The following CDH2 variants were observed in gnomAD, a reference collection of about 807,000 sequenced individuals.
The protein encoded by CDH2 is cadherin-2.
In CDH2, 17 loss-of-function variants were observed where a neutral mutation model predicts 92.0. The observed-to-expected ratio is 0.18, with a 90% CI of 0.13 to 0.28. CDH2 has a LOEUF of 0.28. Among genes scored for constraint, CDH2 ranks in the 10% least tolerant of loss-of-function variants. CDH2 has a pLI of 1.00. For synonymous variants in CDH2, 419 were observed against 415.9 expected, an observed-to-expected ratio of 1.01 and a Z score of -0.09; for missense variants, 862 against 1,133.1, an observed-to-expected ratio of 0.76 and a Z score of 3.44.
chr18:28,074,127 T>A (rs1362305202), intron 2 of CDH2, among the ~76,000 whole-genome samples: 6 of 152,202 alleles, frequency 3.9e-5, no homozygotes, highest in Non-Finnish European at 8.8e-5. Context: ...TGACAACTTG[T>A]ATTTACATGA....
chr18:28,176,939 C>G, intron 1 of CDH2, 24 bp downstream of exon 1: 2 of 1,268,244 alleles, frequency 1.6e-6, no homozygotes, highest in Non-Finnish European at 2.0e-6. Context: ...GCCCGTGGCC[C>G]GGCCCGCGGG....
At chr18:28,065,199 T>C (rs1264900192) in intron 2 of CDH2, among the ~76,000 whole-genome samples, 1 of 152,134 alleles carries the variant, frequency 6.6e-6, no homozygotes, top group African/African-American at 2.4e-5. Context: ...AGAAACTCAT[T>C]CACCAAGGGT....
At chr18:28,128,533 TAACA>T (rs2015714202) in intron 2 of CDH2, among the ~76,000 whole-genome samples, 1 of 151,386 alleles carries the variant, frequency 6.6e-6, no homozygotes, top group African/African-American at 2.4e-5. Flanking sequence ...AAAAAACAAA[TAACA>T]AACAAACAAT....
intron 2 of CDH2, among the ~76,000 whole-genome samples, chr18:28,047,350 T>C (rs1026929467): frequency 5.3e-5 from 8 of 152,172 alleles, no homozygotes; most frequent in African/African-American, 1.4e-4. Context: ...TCTGAAGATA[T>C]CTTAAGGACA....
chr18:28,108,588 T>A (rs2015360040), intron 2 of CDH2, among the ~76,000 whole-genome samples: 2 of 152,188 alleles, frequency 1.3e-5, no homozygotes, highest in South Asian at 4.1e-4. Context: ...AGGAATTTCA[T>A]AAAATCAAGT....
chr18:28,141,315 AAGTC>A (rs2015949732), intron 2 of CDH2, among the ~76,000 whole-genome samples: 1 of 151,996 alleles, frequency 6.6e-6, no homozygotes, highest in Non-Finnish European at 1.5e-5. Flanking sequence ...TAAATGAAAG[AAGTC>A]AGTCGCAAAA....
At chr18:28,103,180 T>C (rs2586575) in intron 2 of CDH2, among the ~76,000 whole-genome samples, 26,626 of 107,386 alleles carry the variant, frequency 0.25, 3,826 homozygotes, top group Non-Finnish European at 0.33. Context: ...ATATAAAGTA[T>C]ATATATAAAA....
chr18:27,994,471 C>G (rs1291401410), intron 7 of CDH2, among the ~76,000 whole-genome samples: 1 of 152,140 alleles, frequency 6.6e-6, no homozygotes, highest in Non-Finnish European at 1.5e-5. Flanking sequence ...AGAGAAAATG[C>G]TGAGATTGAG....
chr18:28,043,875 TTCTC>T (rs1309763938), intron 2 of CDH2, among the ~76,000 whole-genome samples: 1 of 148,534 alleles, frequency 6.7e-6, no homozygotes, highest in Non-Finnish European at 1.5e-5. Flanking sequence ...AGTCTCATCT[TTCTC>T]AGAATCTCGG....
intron 2 of CDH2, among the ~76,000 whole-genome samples, chr18:28,100,190 T>C (rs1249936185): frequency 6.6e-6 from 1 of 152,082 alleles, no homozygotes; most frequent in African/African-American, 2.4e-5. Context: ...TGTTTTGGGA[T>C]GAAATTAACA....
At chr18:28,018,896 C>CAT (rs935064016) in intron 2 of CDH2, among the ~76,000 whole-genome samples, 2 of 145,656 alleles carry the variant, frequency 1.4e-5, no homozygotes, top group Non-Finnish European at 3.0e-5. Context: ...TATATATGTA[C>CAT]ATATATATGT....
intron 2 of CDH2, among the ~76,000 whole-genome samples, chr18:28,047,284 G>A (rs958982885): frequency 1.3e-5 from 2 of 152,108 alleles, no homozygotes; most frequent in African/African-American, 4.8e-5. Flanking sequence ...CATAGTCTTG[G>A]CCCTCAATAT....
At chr18:27,966,396 A>C (rs1205570524) in intron 14 of CDH2, among the ~76,000 whole-genome samples, 5 of 152,228 alleles carry the variant, frequency 3.3e-5, no homozygotes, top group African/African-American at 1.2e-4. Flanking sequence ...CGTTCATATA[A>C]CTGGAGATAA....
At position 27,951,710 on chromosome 18, in the gene CDH2, G is replaced by A. The variant is rs756222364; in HGVS notation, c.*443C>T. On this transcript the variant is annotated 3_prime_UTR_variant, in exon 16 of 16. Transcript: ENST00000269141. ...TCTCATCCCCCAAGATAATAAAATC[G>A]CTCCATGAGTTTTTTTGTTTGTTTA... is the stretch of plus-strand genomic sequence containing the variant. 3 of 154,410 alleles carry A rather than the reference G, an allele frequency of 1.9e-5. No homozygotes were observed. The highest frequency in any genetic ancestry group is 4.3e-5 in the Non-Finnish European group (3 of 69,676). The allele number at this position is 154,410 out of a possible 1,614,324, so 9.6% of individuals were successfully genotyped here. A position where few individuals can be genotyped will look rare whatever the true frequency, so the allele number is the denominator to read the frequency against.
intron 6 of CDH2, 133 bp downstream of exon 6, chr18:28,005,716 C>A: frequency 1.6e-6 from 1 of 610,544 alleles, no homozygotes; most frequent in Admixed American, 3.0e-5. Context: ...TTCCTTCTTT[C>A]CCAAAAGCAT....
chr18:27,961,327 C>T (rs1231106135), intron 15 of CDH2, among the ~76,000 whole-genome samples: 1 of 151,568 alleles, frequency 6.6e-6, no homozygotes, highest in Admixed American at 6.6e-5. Context: ...CTGGAGATAA[C>T]TCACATACTG....
intron 10 of CDH2, among the ~76,000 whole-genome samples, chr18:27,989,777 A>G (rs2012350528): frequency 6.6e-6 from 1 of 152,146 alleles, no homozygotes; most frequent in Non-Finnish European, 1.5e-5. Flanking sequence ...TTCCCTGCGG[A>G]ACCTTTTTGT....
At chr18:27,994,589 T>A (rs565497398) in intron 7 of CDH2, among the ~76,000 whole-genome samples, 1 of 152,318 alleles carries the variant, frequency 6.6e-6, no homozygotes, top group African/African-American at 2.4e-5. Context: ...TCAAAAACAG[T>A]GATCATTTTC....
chr18:28,057,148 T>C (rs1000380143), intron 2 of CDH2, among the ~76,000 whole-genome samples: 1 of 152,162 alleles, frequency 6.6e-6, no homozygotes, highest in Admixed American at 6.5e-5. Flanking sequence ...AGGAGGTTCA[T>C]GGAAAGAACT....
Sources: gnomAD v4.1 joint callset for allele counts (sites outside exome capture counted in the v4.1 genomes callset) on GRCh38, gnomAD v4.1.1 for gene constraint, MANE v1.5 for transcripts, NCBI Gene and HGNC (gene_info 2026-07-23, HGNC 2026-07-21) for gene names.